The following WASF1 variants were observed in gnomAD, a reference collection of about 807,000 sequenced individuals.
WASF1 encodes WASP family member 1.
In WASF1, 7 loss-of-function variants were observed where a neutral mutation model predicts 50.5. The observed-to-expected ratio is 0.14, with a 90% CI of 0.08 to 0.26. The LOEUF (loss-of-function observed/expected upper bound fraction) is 0.26, where lower values mean the gene tolerates loss of function less well. WASF1 is among the 10% of genes least tolerant of loss of function. The probability of loss-of-function intolerance (pLI) is 1.00; values close to 1 mark genes in which losing one functional copy is unlikely to be tolerated. For synonymous variants in WASF1, 205 were observed against 244.0 expected (o/e 0.84, Z 1.49); for missense variants, 470 against 694.7 (o/e 0.68, Z 3.64).
intron 8 of WASF1, among the ~76,000 whole-genome samples, chr6:110,104,038 G>T (rs752060476): frequency 6.6e-6 from 1 of 151,868 alleles, no homozygotes; most frequent in African/African-American, 2.4e-5. Flanking sequence ...AGAGAGAAAG[G>T]CCTCCCAGAT....
intron 4 of WASF1, among the ~76,000 whole-genome samples, chr6:110,117,368 C>G (rs1773860927): frequency 6.6e-6 from 1 of 152,166 alleles, no homozygotes; most frequent in South Asian, 2.1e-4. Context: ...GACGCATGCA[C>G]AAGCTTCAAT....
At chr6:110,142,944 C>A (rs1583990563) in intron 3 of WASF1, among the ~76,000 whole-genome samples, 1 of 89,652 alleles carries the variant, frequency 1.1e-5, no homozygotes. Flanking sequence ...TTTGGTTTCC[C>A]AATGATGTAA....
At chr6:110,139,495 A>G (rs918337792) in intron 3 of WASF1, among the ~76,000 whole-genome samples, 2 of 152,018 alleles carry the variant, frequency 1.3e-5, no homozygotes, top group African/African-American at 4.8e-5. Flanking sequence ...CAGAGCACTG[A>G]CCCCATTTCT....
At chr6:110,165,901 T>C (rs552698554) in intron 2 of WASF1, among the ~76,000 whole-genome samples, 1 of 151,868 alleles carries the variant, frequency 6.6e-6, no homozygotes, top group Admixed American at 6.6e-5. Context: ...TGCACCCTTC[T>C]AGCTCCCTTT....
intron 3 of WASF1, among the ~76,000 whole-genome samples, chr6:110,133,428 T>C (rs1235221052): frequency 6.6e-6 from 1 of 152,226 alleles, no homozygotes; most frequent in Non-Finnish European, 1.5e-5. Context: ...CTGGATCAAA[T>C]GGTAGATCTA....
At chr6:110,173,386 C>G (rs537380256) in intron 2 of WASF1, among the ~76,000 whole-genome samples, 1 of 152,274 alleles carries the variant, frequency 6.6e-6, no homozygotes, top group Admixed American at 6.5e-5. Context: ...AACCCACCTA[C>G]TTAGAATTTC....
intron 3 of WASF1, among the ~76,000 whole-genome samples, chr6:110,136,714 C>T (rs1382158745): frequency 6.6e-6 from 1 of 152,172 alleles, no homozygotes; most frequent in African/African-American, 2.4e-5. Context: ...TTAAACATGT[C>T]TCTTCACAGA....
intron 4 of WASF1, among the ~76,000 whole-genome samples, chr6:110,118,347 CAAAAAAAAAAAAAAAA>C (rs56948481): frequency 1.3e-4 from 1 of 7,474 alleles, no homozygotes; most frequent in African/African-American, 4.3e-4. Context: ...AAACGGAAAG[CAAAAAAAAAAAAAAAA>C]AAAAAAAAAA....
intron 3 of WASF1, among the ~76,000 whole-genome samples, chr6:110,129,468 A>G (rs1325317257): frequency 6.6e-6 from 1 of 152,210 alleles, no homozygotes; most frequent in African/African-American, 2.4e-5. Flanking sequence ...ACCTACAGAC[A>G]TAAATGAGGA....
intron 3 of WASF1, among the ~76,000 whole-genome samples, chr6:110,144,559 T>A (rs1476535594): frequency 6.6e-6 from 1 of 151,776 alleles, no homozygotes; most frequent in Non-Finnish European, 1.5e-5. Flanking sequence ...CCTGAATGGA[T>A]ATGCCTAGGT....
chr6:110,143,317 C>G (rs966480179), intron 3 of WASF1, among the ~76,000 whole-genome samples: 4 of 151,570 alleles, frequency 2.6e-5, no homozygotes, highest in Admixed American at 1.3e-4. Context: ...GAAATCTAAC[C>G]ATAGCAAAAT....
At chr6:110,107,335 G>A (rs1773366762) in intron 6 of WASF1, 141 bp from the exon 7 acceptor site, 3 of 546,132 alleles carry the variant, frequency 5.5e-6, no homozygotes, top group Admixed American at 4.0e-5. Flanking sequence ...ACTGAATATT[G>A]CACCAATAGA....
At chr6:110,138,444 A>G (rs1277366082) in intron 3 of WASF1, among the ~76,000 whole-genome samples, 1 of 152,216 alleles carries the variant, frequency 6.6e-6, no homozygotes, top group Non-Finnish European at 1.5e-5. Context: ...TCTGTGTTAT[A>G]GCTCTTCCAG....
At chr6:110,130,996 T>C (rs1205319792) in intron 3 of WASF1, among the ~76,000 whole-genome samples, 1 of 152,220 alleles carries the variant, frequency 6.6e-6, no homozygotes, top group Non-Finnish European at 1.5e-5. Flanking sequence ...TCTTGGGAAG[T>C]GCCTGTTCAA....
intron 3 of WASF1, among the ~76,000 whole-genome samples, chr6:110,149,756 CAT>C (rs1457597691): frequency 1.3e-5 from 2 of 152,062 alleles, no homozygotes; most frequent in Non-Finnish European, 2.9e-5. Flanking sequence ...TTCTGGGGTA[CAT>C]GGATAAGTGA....
intron 3 of WASF1, among the ~76,000 whole-genome samples, chr6:110,158,415 T>A (rs1267464486): frequency 7.4e-6 from 1 of 135,328 alleles, no homozygotes; most frequent in Non-Finnish European, 1.6e-5. Context: ...CCCTTTATCA[T>A]TTTTTATTGT....
At chr6:110,158,811 C>T (rs1480683597) in intron 3 of WASF1, among the ~76,000 whole-genome samples, 1 of 151,806 alleles carries the variant, frequency 6.6e-6, no homozygotes, top group Admixed American at 6.6e-5. Flanking sequence ...TACTTTCTTC[C>T]CTATCTAGCT....
chr6:110,141,145 A>C (rs1279060449), intron 3 of WASF1, among the ~76,000 whole-genome samples: 20 of 152,184 alleles, frequency 1.3e-4, no homozygotes, highest in Admixed American at 1.3e-3. Flanking sequence ...TTGCATTATA[A>C]AAATTTTGAA....
At chr6:110,132,973 C>A (rs1415995945) in intron 3 of WASF1, among the ~76,000 whole-genome samples, 1 of 141,066 alleles carries the variant, frequency 7.1e-6, no homozygotes, top group Non-Finnish European at 1.5e-5. Flanking sequence ...TACACACACA[C>A]ACACACACAC....
Sources: allele counts gnomAD v4.1 joint callset (sites outside exome capture counted in the v4.1 genomes callset), GRCh38; gene constraint gnomAD v4.1.1; transcripts MANE v1.5; gene names NCBI Gene and HGNC (gene_info 2026-07-23, HGNC 2026-07-21).